The following SLC12A5 variants were observed in gnomAD, a reference collection of about 807,000 sequenced individuals.
SLC12A5 encodes solute carrier family 12 member 5.
A neutral mutation model predicts 124.0 loss-of-function variants in SLC12A5; 18 were observed. That is an observed-to-expected ratio of 0.15 (90% confidence interval 0.10 to 0.22). The LOEUF (loss-of-function observed/expected upper bound fraction) is 0.22, where lower values mean the gene tolerates loss of function less well. Among genes scored for constraint, SLC12A5 ranks in the 10% least tolerant of loss-of-function variants. The pLI, the probability that SLC12A5 is intolerant of heterozygous loss-of-function variation, is 1.00. For missense variants in SLC12A5, 867 were observed against 1,478.7 expected, an observed-to-expected ratio of 0.59 and a Z score of 6.78; for synonymous variants, 589 against 568.0, an observed-to-expected ratio of 1.04 and a Z score of -0.53.
At chr20:46,032,627 A>G (rs2084463877) in intron 1 of SLC12A5, among the ~76,000 whole-genome samples, 1 of 152,158 alleles carries the variant, frequency 6.6e-6, no homozygotes. Flanking sequence ...AAAGGAGGAA[A>G]CTGAGGCGTA....
In SLC12A5 at chr20:46,049,654, A is replaced by C. The variant is rs2084630604; in HGVS notation, c.2045A>C (p.Gln682Pro). 1 of 1,606,656 alleles carries C rather than the reference A, an allele frequency of 6.2e-7. No individual in the cohort carries two copies. The highest frequency in any genetic ancestry group is 8.5e-7 in the Non-Finnish European group (1 of 1,176,784). Residue 682 changes from glutamine to proline, a missense_variant, in exon 17 of 26, where the codon CAA becomes CCA. Gln to Pro is a moderately conservative substitution (Grantham distance 76). Transcript: ENST00000243964. ...CTGCTGGTGCTGGTGCGTGTGGACC[A>C]AGACCAGAATGTGGTGCACCCCCAG... ...PQLLVLVRVD[Q>P]DQNVVHPQLL...
Position 46,059,864 on chromosome 20 carries a change from TTGA to T in SLC12A5, c.*2260_*2262del. ...CTATGTGCAGGGCAATGCAATGAAG[TTGA>T]AAACCCTTGTAAATAGGAGAGGTTG... On this transcript the variant is annotated 3_prime_UTR_variant, in exon 26 of 26. Transcript: ENST00000243964. 2.6e-6 allele frequency: 1 copy of T among 383,828 alleles called. No homozygotes were observed. Among genetic ancestry groups the T allele is most frequent in the Non-Finnish European group, 4.6e-6 (1 of 216,968 alleles). The allele number at this position is 383,828 out of a possible 1,614,324, so 23.8% of individuals were successfully genotyped here.
intron 1 of SLC12A5, chr20:46,021,957 T>G (rs1353857548): frequency 1.3e-5 from 19 of 1,414,586 alleles, no homozygotes; most frequent in Non-Finnish European, 1.7e-5. Context: ...GCGGACCGTC[T>G]GTTGAAGGGG....
Position 46,056,840 on chromosome 20 carries a change from C to T in SLC12A5, c.3111-57C>T, listed in dbSNP as rs371085990. ...TGGCCCAAGCCCCCAGTGTCTTCCT[C>T]TTTTTCTGACTCTGCTCTTTTTCTT... On this transcript the variant is annotated intron_variant, in intron 23 of 25. Coordinates refer to ENST00000243964, the MANE Select transcript of SLC12A5 (RefSeq NM_020708.5). This position sits in a 1 kb window ranked among gnomAD's most constrained non-coding sequence, Gnocchi z 4.3. 1.2e-3 allele frequency: 1,976 copies of T among 1,586,590 alleles called. 13 individuals are homozygous for T. Among genetic ancestry groups the T allele is most frequent in the Middle Eastern group, 6.5e-3 (39 of 5,998 alleles).
Position 46,053,248 on chromosome 20 carries a change from C to T in SLC12A5, c.2547+122C>T. 2 of 1,084,122 alleles carry T rather than the reference C, an allele frequency of 1.8e-6. No individual in the cohort carries two copies. The highest frequency in any genetic ancestry group is 2.6e-6 in the Non-Finnish European group (2 of 766,162). The allele number at this position is 1,084,122 out of a possible 1,614,324, so 67.2% of individuals were successfully genotyped here. A position where few individuals can be genotyped will look rare whatever the true frequency, so the allele number is the denominator to read the frequency against. ...TCTGGCCAGGGTCAGCTTCCGTGTCCTTCCTCCCCTGTAAACTCCTGGGAA... is the reference window on the plus strand; with the variant it reads ...TCTGGCCAGGGTCAGCTTCCGTGTCTTTCCTCCCCTGTAAACTCCTGGGAA... On this transcript the variant is annotated intron_variant, in intron 19 of 25. Transcript: ENST00000243964. The surrounding 1 kb of genome is among the most constrained non-coding windows in gnomAD (Gnocchi z 4.7).
At chr20:46,024,578 G>A (rs771144713), upstream of SLC12A5, among the ~76,000 whole-genome samples, 306 of 152,328 alleles carry the variant, frequency 2.0e-3, 2 homozygotes, top group Non-Finnish European at 1.1e-3. Context: ...TCTAAGACTG[G>A]GAAAGGTTGG....
At chr20:46,038,672 A>G (rs1219983154) in intron 6 of SLC12A5, among the ~76,000 whole-genome samples, 2 of 152,252 alleles carry the variant, frequency 1.3e-5, no homozygotes, top group Non-Finnish European at 2.9e-5. Flanking sequence ...TAGTTAACAT[A>G]TGGTAGGTCC....
chr20:46,051,181 A>G (rs1464803769), intron 17 of SLC12A5, among the ~76,000 whole-genome samples: 2 of 152,182 alleles, frequency 1.3e-5, no homozygotes, highest in Non-Finnish European at 2.9e-5. Flanking sequence ...AATGGGAGTA[A>G]TAAGACTATT....
At chr20:46,034,925 C>G in intron 1 of SLC12A5, 23 bp from the exon 2 acceptor site, 1 of 1,610,890 alleles carries the variant, frequency 6.2e-7, no homozygotes, top group Non-Finnish European at 8.5e-7. Flanking sequence ...GGTTCCAGAT[C>G]CCTGACCCCT....
At chr20:46,051,360 A>G (rs1048864921) in intron 17 of SLC12A5, among the ~76,000 whole-genome samples, 1 of 152,164 alleles carries the variant, frequency 6.6e-6, no homozygotes, top group Non-Finnish European at 1.5e-5. Context: ...ACAGGGTGTC[A>G]TGTACAACTT....
At position 46,056,122 on chromosome 20, in the gene SLC12A5, G is replaced by A; in HGVS notation, c.2788-28G>A. The A allele has an allele frequency of 6.2e-7, 1 of 1,613,084 alleles. No individual in the cohort carries two copies. The highest frequency in any genetic ancestry group is 8.5e-7 in the Non-Finnish European group (1 of 1,179,528). ...GGCATGGGTGGTGACTCCCAGCAGA[G>A]CTGGCACCAACCTATGTCACTCCCT... On this transcript the variant is annotated intron_variant, in intron 21 of 25. Transcript: ENST00000243964. The surrounding 1 kb of genome is among the most constrained non-coding windows in gnomAD (Gnocchi z 4.3).
At position 46,053,995 on chromosome 20, in the gene SLC12A5, A is replaced by T. The variant is rs1464521933; in HGVS notation, c.2679+286A>T. On this transcript the variant is annotated intron_variant, in intron 20 of 25. Transcript: ENST00000243964. The surrounding 1 kb of genome is among the most constrained non-coding windows in gnomAD (Gnocchi z 4.7). ...AATTATCAGCATTTCCATGTTACAGATTAGGAATATGAAGTGCAGAGAAGT... is the reference window on the plus strand; with the variant it reads ...AATTATCAGCATTTCCATGTTACAGTTTAGGAATATGAAGTGCAGAGAAGT... Among the ~76,000 whole-genome samples, 3 of 152,220 alleles carry T rather than the reference A, an allele frequency of 2.0e-5. No individual in the cohort carries two copies. The highest frequency in any genetic ancestry group is 6.5e-5 in the Admixed American group (1 of 15,292).
At position 46,034,929 on chromosome 20, in the gene SLC12A5, G is replaced by C; in HGVS notation, c.53-19G>C. 6.2e-7 allele frequency: 1 copy of C among 1,612,620 alleles called. No homozygotes were observed. Among genetic ancestry groups the C allele is most frequent in the Non-Finnish European group, 8.5e-7 (1 of 1,178,690 alleles). ...AACAACTGATTGGTTCCAGATCCCT[G>C]ACCCCTCTCCCTTCTCAGGTGATGG... On this transcript the variant is annotated intron_variant, in intron 1 of 25. Transcript: ENST00000243964.
chr20:46,047,349 C>A, intron 14 of SLC12A5, 105 bp from the exon 15 acceptor site: 1 of 1,490,276 alleles, frequency 6.7e-7, no homozygotes, highest in Non-Finnish European at 9.1e-7. Flanking sequence ...TGTCACCTCC[C>A]AGGTCTTGCC....
At chr20:46,046,289 C>T (rs759116084) in intron 13 of SLC12A5, 49 bp from the exon 14 acceptor site, 96 of 1,522,472 alleles carry the variant, frequency 6.3e-5, no homozygotes, top group Middle Eastern at 1.7e-4. Flanking sequence ...GTTTCTGTTT[C>T]TGCCTCCCTT....
At chr20:46,044,072 G>C in intron 11 of SLC12A5, 139 bp downstream of exon 11, 1 of 689,592 alleles carries the variant, frequency 1.5e-6, no homozygotes, top group Non-Finnish European at 2.4e-6. Context: ...TGCTTGCAAA[G>C]TCATCTTCTT....
intron 8 of SLC12A5, among the ~76,000 whole-genome samples, chr20:46,041,775 C>G (rs1241390151): frequency 6.6e-6 from 1 of 152,232 alleles, no homozygotes; most frequent in Non-Finnish European, 1.5e-5. Flanking sequence ...TCACTGAGCA[C>G]CTACAGAGTG....
At position 46,058,184 on chromosome 20, in the gene SLC12A5, C is replaced by A. The variant is rs1489937235; in HGVS notation, c.*579C>A. 6.2e-6 allele frequency: 2 copies of A among 320,762 alleles called. No homozygotes were observed. The highest frequency in any genetic ancestry group is 2.1e-5 in the African/African-American group (1 of 47,038). The allele number at this position is 320,762 out of a possible 1,614,324, so 19.9% of individuals were successfully genotyped here. On this transcript the variant is annotated 3_prime_UTR_variant, in exon 26 of 26. Transcript: ENST00000243964. The surrounding 1 kb of genome is among the most constrained non-coding windows in gnomAD (Gnocchi z 5.8). ...CATATTTATGTGACTAGAAGCGCAA[C>A]AGACTTCTCGCCATAGTCGAGCTCT...
chr20:46,022,207 G>A (rs184814527), intron 1 of SLC12A5: 4,197 of 262,894 alleles, frequency 0.016, 176 homozygotes, highest in Admixed American at 0.11. Context: ...AGAGTAGGCC[G>A]TAGGGCACTA....
Sources: allele counts gnomAD v4.1 joint callset (sites outside exome capture counted in the v4.1 genomes callset), GRCh38; gene constraint gnomAD v4.1.1; non-coding constraint Gnocchi (gnomAD v3.1); transcripts MANE v1.5; gene names NCBI Gene and HGNC (gene_info 2026-07-23, HGNC 2026-07-21).